RAB8A: variants seen among roughly 807,000 people sequenced by gnomAD.
The protein encoded by RAB8A is RAB8A, member RAS oncogene family.
In RAB8A, 5 loss-of-function variants were observed where a neutral mutation model predicts 29.2. The ratio of observed to expected loss-of-function variants is 0.17; its 90% CI spans 0.09 to 0.36. The LOEUF (loss-of-function observed/expected upper bound fraction) is 0.36, where lower values mean the gene tolerates loss of function less well. Ranked by LOEUF, RAB8A falls within the 10% of genes least tolerant of loss-of-function variation. The probability of loss-of-function intolerance (pLI) is 1.00; values close to 1 mark genes in which losing one functional copy is unlikely to be tolerated. For missense variants in RAB8A, 171 were observed against 272.2 expected, an observed-to-expected ratio of 0.63 and a Z score of 2.62; for synonymous variants, 108 against 99.9, an observed-to-expected ratio of 1.08 and a Z score of -0.49.
At chr19:16,113,318 C>T (rs762023449) in intron 1 of RAB8A, among the ~76,000 whole-genome samples, 3 of 152,234 alleles carry the variant, frequency 2.0e-5, no homozygotes, top group Non-Finnish European at 4.4e-5. Flanking sequence ...GTCACTTTGA[C>T]AGAATCGTGT....
chr19:16,125,298 GGA>G lies in RAB8A; in HGVS notation c.247-168_247-167del, dbSNP rs1264880973. 4.8e-6 allele frequency: 3 copies of G among 631,342 alleles called. No individual in the cohort carries two copies. The highest frequency in any genetic ancestry group is 8.5e-6 in the Non-Finnish European group (3 of 353,102). The allele number at this position is 631,342 out of a possible 1,614,324, so 39.1% of individuals were successfully genotyped here. A position where few individuals can be genotyped will look rare whatever the true frequency, so the allele number is the denominator to read the frequency against. On this transcript the variant is annotated intron_variant, in intron 3 of 7. Coordinates refer to ENST00000300935, the MANE Select transcript of RAB8A (RefSeq NM_005370.5). The surrounding 1 kb of genome is among the most constrained non-coding windows in gnomAD (Gnocchi z 5.0). Reference sequence around the variant, plus strand: ...CAGCAGAAAGAAGGGCCACAGGGATGGAGAGGAGGGGGCTGGCTTCCGGGGCT... The same window carrying G: ...CAGCAGAAAGAAGGGCCACAGGGATGGAGGAGGGGGCTGGCTTCCGGGGCT...
chr19:16,116,143 G>C (rs1045956011), intron 1 of RAB8A, among the ~76,000 whole-genome samples: 4 of 152,240 alleles, frequency 2.6e-5, no homozygotes, highest in Non-Finnish European at 5.9e-5. Flanking sequence ...CCTGAACAAA[G>C]GGATAGCCAG....
At chr19:16,121,639 C>A in intron 2 of RAB8A, 111 bp from the exon 3 acceptor site, 1 of 918,490 alleles carries the variant, frequency 1.1e-6, no homozygotes, top group Non-Finnish European at 1.8e-6. Flanking sequence ...GAAGGTATCA[C>A]AGTGGCTGAA....
At chr19:16,121,295 C>G (rs1212358064) in intron 2 of RAB8A, among the ~76,000 whole-genome samples, 1 of 152,112 alleles carries the variant, frequency 6.6e-6, no homozygotes, top group African/African-American at 2.4e-5. Flanking sequence ...TATGTCTTAC[C>G]CAGGCATCAC....
intron 1 of RAB8A, among the ~76,000 whole-genome samples, 177 bp downstream of exon 1, chr19:16,112,202 G>A (rs2144980553): frequency 6.6e-6 from 1 of 152,302 alleles, no homozygotes. Flanking sequence ...CTGGGCCGTG[G>A]TGGGGGAGAC....
chr19:16,123,023 C>T (rs1328054108), intron 3 of RAB8A, among the ~76,000 whole-genome samples: 1 of 152,216 alleles, frequency 6.6e-6, no homozygotes, highest in Non-Finnish European at 1.5e-5. Flanking sequence ...AGGCAGTGGG[C>T]CCAGGTCTTA....
Position 16,134,083 on chromosome 19 carries a change from TG to T in RAB8A, c.*1780del, listed in dbSNP as rs1382599403. The T allele has an allele frequency of 3.3e-5, 5 of 152,350 alleles. No individual in the cohort carries two copies. The highest frequency in any genetic ancestry group is 4.8e-5 in the African/African-American group (2 of 41,420). 9.4% of individuals were successfully genotyped at this position (152,350 alleles called of 1,614,324 possible). A position where few individuals can be genotyped will look rare whatever the true frequency, so the allele number is the denominator to read the frequency against. On this transcript the variant is annotated 3_prime_UTR_variant, in exon 8 of 8. Coordinates refer to ENST00000300935, the MANE Select transcript of RAB8A (RefSeq NM_005370.5). The stretch of plus-strand genomic sequence containing the variant: ...CATTCCCTAGGACTTGGCAGAGAGC[TG>T]TACTCACAGCCAAGATCACAGCAAA...
intron 1 of RAB8A, among the ~76,000 whole-genome samples, chr19:16,115,540 C>G (rs2090842584): frequency 6.6e-6 from 1 of 152,196 alleles, no homozygotes; most frequent in African/African-American, 2.4e-5. Flanking sequence ...ATTGATTCCT[C>G]CAGTGAAAGG....
At position 16,128,171 on chromosome 19, in the gene RAB8A, G is replaced by A. The variant is rs974667302; in HGVS notation, c.480+80G>A. 196 of 1,477,248 alleles carry A rather than the reference G, an allele frequency of 1.3e-4. 1 individual carries two copies. The highest frequency in any genetic ancestry group is 1.7e-4 in the Non-Finnish European group (181 of 1,066,108). The allele number at this position is 1,477,248 out of a possible 1,614,324, so 91.5% of individuals were successfully genotyped here. A position where few individuals can be genotyped will look rare whatever the true frequency, so the allele number is the denominator to read the frequency against. On this transcript the variant is annotated intron_variant, in intron 6 of 7. Transcript: ENST00000300935. Reference sequence around the variant, plus strand: ...GCTAAAGGGGGAGCTGGCGTCCTCCGAGGAGGTCCTGCCAGACGGACCAGC... The same window carrying A: ...GCTAAAGGGGGAGCTGGCGTCCTCCAAGGAGGTCCTGCCAGACGGACCAGC...
rs1435941417 is a variant in RAB8A, at chr19:16,125,742, A to T, written c.324+195A>T. Reference sequence around the variant, plus strand: ...AGGGACCACACACTGGCCTGGCCCCACCCCGGAGCCCCTCGGAGCCCATCC... The same window carrying T: ...AGGGACCACACACTGGCCTGGCCCCTCCCCGGAGCCCCTCGGAGCCCATCC... On this transcript the variant is annotated intron_variant, in intron 4 of 7. Coordinates refer to ENST00000300935, the MANE Select transcript of RAB8A (RefSeq NM_005370.5). This position sits in a 1 kb window ranked among gnomAD's most constrained non-coding sequence, Gnocchi z 5.0. The T allele has an allele frequency of 2.9e-6, 2 of 694,114 alleles. No individual in the cohort carries two copies. The highest frequency in any genetic ancestry group is 3.5e-5 in the African/African-American group (2 of 56,968). The allele number at this position is 694,114 out of a possible 1,614,324, so 43.0% of individuals were successfully genotyped here.
At chr19:16,124,997 GACTT>G in intron 3 of RAB8A, 2 of 204,198 alleles carry the variant, frequency 9.8e-6, no homozygotes, top group Non-Finnish European at 2.1e-5. Context: ...GTCGGGTCAG[GACTT>G]CCTGGGCTCA....
chr19:16,128,992 C>T (rs2090913952), intron 6 of RAB8A, among the ~76,000 whole-genome samples: 1 of 152,220 alleles, frequency 6.6e-6, no homozygotes, highest in African/African-American at 2.4e-5. Context: ...CAGCTCAACC[C>T]TTGGCTGTGC....
rs1032400782 is a variant in RAB8A, at chr19:16,125,912, A to G, written c.324+365A>G. On this transcript the variant is annotated intron_variant, in intron 4 of 7. Transcript: ENST00000300935. The surrounding 1 kb of genome is among the most constrained non-coding windows in gnomAD (Gnocchi z 5.0). The stretch of plus-strand genomic sequence containing the variant: ...ACCCTTGTAGTTGGAGGGTGTGGTG[A>G]GCAGGCGTCAGTTGTACTTTGAGCT... 4 of 385,836 alleles carry G rather than the reference A, an allele frequency of 1.0e-5. No homozygotes were observed. The Admixed American group carries it at 1.1e-4, about 10-fold the overall frequency. 23.9% of individuals were successfully genotyped at this position (385,836 alleles called of 1,614,324 possible).
rs374331124 is a variant in RAB8A at position 16,127,980 on chromosome 19, C to T, written c.415-46C>T. 5.1e-5 allele frequency: 81 copies of T among 1,596,686 alleles called. No individual in the cohort carries two copies. The African/African-American group carries it at 7.5e-4, about 15-fold the overall frequency. ...CTCCTGTTTTAGGCAAGCTCAGATGCGCCCGGCGGCTGGTGTGCTCATGCG... is the reference window on the plus strand; with the variant it reads ...CTCCTGTTTTAGGCAAGCTCAGATGTGCCCGGCGGCTGGTGTGCTCATGCG... On this transcript the variant is annotated intron_variant, in intron 5 of 7. Coordinates refer to ENST00000300935, the MANE Select transcript of RAB8A (RefSeq NM_005370.5). The surrounding 1 kb of genome is among the most constrained non-coding windows in gnomAD (Gnocchi z 4.8).
At chr19:16,126,246 AC>A (rs2090900636) in intron 4 of RAB8A, 1 of 158,770 alleles carries the variant, frequency 6.3e-6, no homozygotes, top group African/African-American at 2.4e-5. Flanking sequence ...CCGAGAGGCC[AC>A]CCCATCATTT....
At chr19:16,115,012 C>T (rs2090840392) in intron 1 of RAB8A, among the ~76,000 whole-genome samples, 1 of 152,002 alleles carries the variant, frequency 6.6e-6, no homozygotes, top group African/African-American at 2.4e-5. Context: ...CCTAACAGTG[C>T]TCCTCGATTT....
At chr19:16,112,765 A>AGCCCCTCTCCCTGACCATGCT (rs2090830196) in intron 1 of RAB8A, 1 of 152,244 alleles carries the variant, frequency 6.6e-6, no homozygotes, top group South Asian at 2.1e-4. Flanking sequence ...TCAGAGGTTG[A>AGCCCCTCTCCCTGACCATGCT]GCCCCTCTCC....
chr19:16,126,423 G>A (rs932909975), intron 4 of RAB8A: 3 of 152,608 alleles, frequency 2.0e-5, no homozygotes, highest in African/African-American at 7.2e-5. Context: ...GCGGGCAGGA[G>A]CCACCTTCTG....
At chr19:16,128,215 A>T in intron 6 of RAB8A, 124 bp downstream of exon 6, 3 of 1,011,576 alleles carry the variant, frequency 3.0e-6, no homozygotes, top group Non-Finnish European at 4.5e-6. Context: ...CAGGGCTGCC[A>T]GTCAGTCCTC....
Sources: allele counts gnomAD v4.1 joint callset (sites outside exome capture counted in the v4.1 genomes callset), GRCh38; gene constraint gnomAD v4.1.1; non-coding constraint Gnocchi (gnomAD v3.1); transcripts MANE v1.5; gene names NCBI Gene and HGNC (gene_info 2026-07-23, HGNC 2026-07-21).